The following SEMA5B variants were observed in gnomAD, a reference collection of about 807,000 sequenced individuals.
The protein encoded by SEMA5B is semaphorin 5B.
Under a neutral mutation model 135.0 loss-of-function variants are expected in SEMA5B, and 66 were observed. The observed-to-expected ratio is 0.49, with a 90% CI of 0.40 to 0.60. The LOEUF is 0.60. SEMA5B is among the 20% of genes least tolerant of loss of function. SEMA5B has a pLI of 0.00. For synonymous variants in SEMA5B, 690 were observed against 639.5 expected, an observed-to-expected ratio of 1.08 and a Z score of -1.19; for missense variants, 1,501 against 1,566.3, an observed-to-expected ratio of 0.96 and a Z score of 0.70.
chr3:122,989,507 C>G (rs972799840), intron 1 of SEMA5B, among the ~76,000 whole-genome samples: 4 of 152,208 alleles, frequency 2.6e-5, no homozygotes, highest in Admixed American at 2.0e-4. Flanking sequence ...GCTGTGCCTT[C>G]TATGGCAGCC....
chr3:122,928,296 A>G (rs1938756209), intron 7 of SEMA5B, among the ~76,000 whole-genome samples: 1 of 152,200 alleles, frequency 6.6e-6, no homozygotes, highest in Non-Finnish European at 1.5e-5. Context: ...ACAGGGAGTA[A>G]ATTTTTAGTA....
intron 1 of SEMA5B, among the ~76,000 whole-genome samples, chr3:123,016,809 T>C (rs991965081): frequency 2.0e-5 from 3 of 151,778 alleles, no homozygotes; most frequent in Non-Finnish European, 4.4e-5. Flanking sequence ...CTCATAATCC[T>C]GGCCTAAAGT....
At chr3:123,022,093 C>T (rs1424201457) in intron 1 of SEMA5B, among the ~76,000 whole-genome samples, 1 of 152,182 alleles carries the variant, frequency 6.6e-6, no homozygotes, top group Non-Finnish European at 1.5e-5. Context: ...GACTTGAGGG[C>T]CAGAAAGGGC....
intron 1 of SEMA5B, among the ~76,000 whole-genome samples, chr3:122,998,747 G>A (rs980986097): frequency 6.6e-6 from 1 of 152,126 alleles, no homozygotes; most frequent in Non-Finnish European, 1.5e-5. Context: ...CTTCCCAGGG[G>A]CTCCACTCAG....
At chr3:122,984,166 G>T (rs1281119320) in intron 1 of SEMA5B, among the ~76,000 whole-genome samples, 1 of 152,034 alleles carries the variant, frequency 6.6e-6, no homozygotes, top group South Asian at 2.1e-4. Context: ...CCCGCCCCCC[G>T]CCGTGGCCCT....
At chr3:123,025,768 C>T (rs184739342) in intron 1 of SEMA5B, among the ~76,000 whole-genome samples, 1 of 152,338 alleles carries the variant, frequency 6.6e-6, no homozygotes, top group East Asian at 1.9e-4. Context: ...ACAGTTCTCA[C>T]CGCCCCATGA....
At chr3:123,000,162 T>G (rs1942134299) in intron 1 of SEMA5B, among the ~76,000 whole-genome samples, 1 of 152,120 alleles carries the variant, frequency 6.6e-6, no homozygotes, top group Non-Finnish European at 1.5e-5. Flanking sequence ...GAGCCAAGAT[T>G]GAGTCACTGC....
chr3:122,948,420 A>G (rs1297598277), intron 3 of SEMA5B, 86 bp downstream of exon 3: 13 of 1,187,848 alleles, frequency 1.1e-5, no homozygotes, highest in Non-Finnish European at 9.4e-6. Flanking sequence ...GACATCCAAC[A>G]GCCAGAAACA....
chr3:123,021,897 A>G (rs1470655046), intron 1 of SEMA5B, among the ~76,000 whole-genome samples: 1 of 152,188 alleles, frequency 6.6e-6, no homozygotes, highest in African/African-American at 2.4e-5. Context: ...GGCTGAGGCA[A>G]AAAGGAAAAT....
At chr3:122,975,861 AT>A (rs1451707951) in intron 1 of SEMA5B, 10 of 1,206,736 alleles carry the variant, frequency 8.3e-6, no homozygotes, top group Admixed American at 4.9e-5. Flanking sequence ...ACACAACCAA[AT>A]CCAAACACCC....
intron 2 of SEMA5B, among the ~76,000 whole-genome samples, chr3:122,949,005 TAA>T (rs552390873): frequency 1.4e-3 from 212 of 152,346 alleles, no homozygotes; most frequent in African/African-American, 5.0e-3. Flanking sequence ...TTAGGGATTT[TAA>T]TAAATGGAGC....
chr3:123,012,738 G>A (rs895079), intron 1 of SEMA5B, among the ~76,000 whole-genome samples: 35,901 of 152,046 alleles, frequency 0.24, 8,577 homozygotes, highest in African/African-American at 0.62. Flanking sequence ...GAGGCAAGAA[G>A]GGGATCCACA....
chr3:122,943,287 G>C, intron 4 of SEMA5B, 149 bp downstream of exon 4: 1 of 592,558 alleles, frequency 1.7e-6, no homozygotes. Flanking sequence ...CCTCCTGTGG[G>C]GGGACAGACA....
In SEMA5B at chr3:122,910,017, CCA is replaced by C; in HGVS notation, c.*124_*125del. The C allele has an allele frequency of 9.6e-7, 1 of 1,037,564 alleles. No individual in the cohort carries two copies. The highest frequency in any genetic ancestry group is 1.7e-5 in the South Asian group (1 of 59,054). 64.3% of individuals were successfully genotyped at this position (1,037,564 alleles called of 1,614,324 possible). A position where few individuals can be genotyped will look rare whatever the true frequency, so the allele number is the denominator to read the frequency against. On this transcript the variant is annotated 3_prime_UTR_variant, in exon 23 of 23. Coordinates refer to ENST00000357599, the MANE Select transcript of SEMA5B (RefSeq NM_001031702.4). ...GCTCTCTGAAGCCGGATGGGACCCC[CCA>C]CAGGCAAGGCAGCAAGTTCTTGGCC...
Position 122,922,028 on chromosome 3 carries a change from G to A in SEMA5B, c.1575C>T (p.Arg525=). The A allele has an allele frequency of 6.7e-7, 1 of 1,503,442 alleles. No individual in the cohort carries two copies. The highest frequency in any genetic ancestry group is 8.9e-7 in the Non-Finnish European group (1 of 1,128,992). 93.1% of individuals were successfully genotyped at this position (1,503,442 alleles called of 1,614,324 possible). The change falls in exon 12 of 23, where the codon CGC becomes CGT. Residue 525 remains arginine (R), a synonymous_variant. Transcript: ENST00000357599. Reference sequence around the variant, plus strand: ...GGATGCGCAGGCTGCGCAGGGGCTCGCGGCGCCCGGGGGGCAGCACGTGCA... The same window carrying A: ...GGATGCGCAGGCTGCGCAGGGGCTCACGGCGCCCGGGGGGCAGCACGTGCA... ...EELHVLPPGR[R]EPLRSLRILH... is the part of the protein sequence containing the mutation.
intron 3 of SEMA5B, among the ~76,000 whole-genome samples, chr3:122,945,558 T>C (rs966444840): frequency 1.3e-5 from 2 of 152,108 alleles, no homozygotes; most frequent in Non-Finnish European, 2.9e-5. Context: ...ACTCTGAATG[T>C]GGTCAAATAT....
intron 1 of SEMA5B, among the ~76,000 whole-genome samples, chr3:122,965,004 G>A (rs958170763): frequency 1.3e-5 from 2 of 152,190 alleles, no homozygotes; most frequent in African/African-American, 4.8e-5. Flanking sequence ...TGAGGAGGCT[G>A]GTGTTTGATT....
At chr3:122,919,648 G>T (rs1056084496) in intron 12 of SEMA5B, among the ~76,000 whole-genome samples, 2 of 152,190 alleles carry the variant, frequency 1.3e-5, no homozygotes, top group Non-Finnish European at 2.9e-5. Context: ...AATATATTGT[G>T]GCAGTTTGCT....
chr3:122,976,255 C>T, intron 1 of SEMA5B: 2 of 1,184,996 alleles, frequency 1.7e-6, no homozygotes, highest in South Asian at 3.1e-5. Flanking sequence ...TGCAAATTCT[C>T]AGGCCTCACC....
Sources: allele counts gnomAD v4.1 joint callset (sites outside exome capture counted in the v4.1 genomes callset), GRCh38; gene constraint gnomAD v4.1.1; transcripts MANE v1.5; gene names NCBI Gene and HGNC (gene_info 2026-07-23, HGNC 2026-07-21).